The following OOSP3 variants were observed in gnomAD, a reference collection of about 807,000 sequenced individuals.
OOSP3 encodes oocyte secreted protein family member 3.
intron 2 of OOSP3, among the ~76,000 whole-genome samples, chr11:59,884,820 T>C (rs931867606): frequency 6.6e-6 from 1 of 152,162 alleles, no homozygotes; most frequent in Non-Finnish European, 1.5e-5. Flanking sequence ...CATCTTTAAA[T>C]AGAGATAGTT....
intron 2 of OOSP3, among the ~76,000 whole-genome samples, chr11:59,884,473 CTG>C (rs371337555): frequency 9.3e-4 from 82 of 88,580 alleles, no homozygotes; most frequent in African/African-American, 2.1e-3. Flanking sequence ...GTCTGTCTGT[CTG>C]TCTCTCTCTC....
At chr11:59,892,578 G>A (rs1284349581) in intron 2 of OOSP3, among the ~76,000 whole-genome samples, 3 of 152,012 alleles carry the variant, frequency 2.0e-5, no homozygotes, top group African/African-American at 7.2e-5. Flanking sequence ...GCCTGGTGAT[G>A]CCTGGACTTT....
chr11:59,889,085 G>A (rs1853287075), intron 2 of OOSP3, among the ~76,000 whole-genome samples: 2 of 152,014 alleles, frequency 1.3e-5, no homozygotes, highest in South Asian at 4.2e-4. Flanking sequence ...CTAGTTTGAG[G>A]TGTTTATAGT....
intron 2 of OOSP3, among the ~76,000 whole-genome samples, chr11:59,886,286 A>G (rs1221736800): frequency 6.6e-6 from 1 of 152,210 alleles, no homozygotes; most frequent in East Asian, 1.9e-4. Context: ...TCTTTATCCA[A>G]TCTATCATTG....
At chr11:59,893,888 G>A (rs1394119096) in intron 2 of OOSP3, among the ~76,000 whole-genome samples, 191 bp from the exon 3 acceptor site, 2 of 152,190 alleles carry the variant, frequency 1.3e-5, no homozygotes, top group Non-Finnish European at 2.9e-5. Flanking sequence ...TTGCACTGAT[G>A]ATCAAAAGCC....
At chr11:59,884,404 T>G (rs1052532216) in intron 2 of OOSP3, among the ~76,000 whole-genome samples, 2 of 152,120 alleles carry the variant, frequency 1.3e-5, no homozygotes, top group African/African-American at 4.8e-5. Context: ...GTTTTTTTTT[T>G]TGGGTGGATC....
chr11:59,884,394 GT>G (rs879882426), intron 2 of OOSP3, among the ~76,000 whole-genome samples: 72 of 136,572 alleles, frequency 5.3e-4, no homozygotes, highest in African/African-American at 1.4e-3. Flanking sequence ...AGTTGTAATA[GT>G]TTTTTTTTTT....
chr11:59,891,667 C>A (rs1252078921), intron 2 of OOSP3, among the ~76,000 whole-genome samples: 2 of 152,170 alleles, frequency 1.3e-5, no homozygotes, highest in African/African-American at 4.8e-5. Context: ...CGACCAGATG[C>A]CAGCTATTAC....
At chr11:59,895,688 T>C (rs1759324065) in intron 4 of OOSP3, 36 bp downstream of exon 4, 1 of 398,244 alleles carries the variant, frequency 2.5e-6, no homozygotes, top group Non-Finnish European at 4.4e-6. Flanking sequence ...CATGGCAGTG[T>C]CCATGTAGAA....
intron 1 of OOSP3, 48 bp downstream of exon 1, chr11:59,878,929 C>T (rs975082442): frequency 1.0e-5 from 4 of 398,054 alleles, no homozygotes; most frequent in South Asian, 1.3e-4. Context: ...AGTTTCTTAG[C>T]GGTTGTGGGC....
chr11:59,880,240 A>G lies in OOSP3; in HGVS notation c.74-21A>G, dbSNP rs118016255. 40 of 398,398 alleles carry G rather than the reference A, an allele frequency of 1.0e-4. No homozygotes were observed. The East Asian group carries it at 1.4e-3, about 14-fold the overall frequency. The allele number at this position is 398,398 out of a possible 1,614,324, so 24.7% of individuals were successfully genotyped here. ...GCATAAAATTGCTATCTAAATGTTT[A>G]AAAAAATTTTTTTTCAACAGTGTCA... On this transcript the variant is annotated intron_variant, in intron 1 of 4. Transcript: ENST00000646438.
intron 2 of OOSP3, among the ~76,000 whole-genome samples, chr11:59,884,553 G>A (rs1853235513): frequency 6.6e-6 from 1 of 150,976 alleles, no homozygotes; most frequent in African/African-American, 2.4e-5. Context: ...AGGCTGGAGT[G>A]CAGTGGCATG....
At chr11:59,885,450 A>G (rs1398721794) in intron 2 of OOSP3, among the ~76,000 whole-genome samples, 1 of 152,158 alleles carries the variant, frequency 6.6e-6, no homozygotes, top group East Asian at 1.9e-4. Context: ...TATGAAGCCC[A>G]GCATGCATTA....
intron 2 of OOSP3, among the ~76,000 whole-genome samples, chr11:59,884,479 C>G (rs487977): frequency 0.039 from 154 of 3,982 alleles, no homozygotes; most frequent in Non-Finnish European, 0.063. Flanking sequence ...CTGTCTGTCT[C>G]TCTCTCTCTC....
intron 2 of OOSP3, among the ~76,000 whole-genome samples, chr11:59,889,334 C>T (rs1209524625): frequency 6.6e-6 from 1 of 151,206 alleles, no homozygotes; most frequent in Non-Finnish European, 1.5e-5. Flanking sequence ...TATTTCTTGT[C>T]TTCTGCTAGC....
In OOSP3 at chr11:59,880,247, T is replaced by A. The variant is rs1040720008; in HGVS notation, c.74-14T>A. 284 of 398,144 alleles carry A rather than the reference T, an allele frequency of 7.1e-4. 3 individuals are homozygous for A. The East Asian group carries it at 9.2e-3, about 13-fold the overall frequency. The allele number at this position is 398,144 out of a possible 1,614,324, so 24.7% of individuals were successfully genotyped here. On this transcript the variant is annotated splice_polypyrimidine_tract_variant and intron_variant, in intron 1 of 4. Coordinates refer to ENST00000646438, the Ensembl canonical transcript of OOSP3. ...ATTGCTATCTAAATGTTTAAAAAAA[T>A]TTTTTTTCAACAGTGTCAGTAGGAT...
exon 4 of OOSP3, chr11:59,895,624 C>G (rs922307265): frequency 2.5e-6 from 1 of 398,390 alleles, no homozygotes; most frequent in Non-Finnish European, 4.4e-6. Context: ...TTTGGATTGA[C>G]TCGGATTCCA....
chr11:59,887,700 C>A (rs573219063), intron 2 of OOSP3, among the ~76,000 whole-genome samples: 1 of 152,102 alleles, frequency 6.6e-6, no homozygotes, highest in South Asian at 2.1e-4. Context: ...ATTACTGTAG[C>A]CTTGCAGTAT....
intron 4 of OOSP3, 21 bp downstream of exon 4, chr11:59,895,673 C>T (rs549364534): frequency 5.5e-5 from 22 of 398,184 alleles, no homozygotes; most frequent in Middle Eastern, 6.3e-4. Flanking sequence ...TTAGAAGAGA[C>T]AAAACATGGC....
Sources: gnomAD v4.1 joint callset for allele counts (sites outside exome capture counted in the v4.1 genomes callset) on GRCh38, gnomAD v4.1.1 for gene constraint, MANE v1.5 for transcripts, NCBI Gene and HGNC (gene_info 2026-07-23, HGNC 2026-07-21) for gene names.